Variants in CLYBL observed in about 807,000 individuals in gnomAD.
CLYBL encodes the protein citramalyl-CoA lyase, mitochondrial.
In CLYBL, 31 loss-of-function variants were observed where a neutral mutation model predicts 38.9. That is an observed-to-expected ratio of 0.80 (90% CI 0.60 to 1.08). CLYBL has a LOEUF of 1.08. Among genes scored for constraint, CLYBL ranks in the 50% least tolerant of loss-of-function variants. The pLI, the probability that CLYBL is intolerant of heterozygous loss-of-function variation, is 0.00. For missense variants in CLYBL, 434 were observed against 411.6 expected, an observed-to-expected ratio of 1.05 and a Z score of -0.47; for synonymous variants, 171 against 158.6, an observed-to-expected ratio of 1.08 and a Z score of -0.59.
chr13:99,766,939 T>C (rs141153894), intron 1 of CLYBL, among the ~76,000 whole-genome samples: 1 of 152,302 alleles, frequency 6.6e-6, no homozygotes, highest in African/African-American at 2.4e-5. Context: ...ACAACAGAGA[T>C]TCCAGAGCTG....
At chr13:99,818,199 T>G (rs1156344716) in intron 2 of CLYBL, among the ~76,000 whole-genome samples, 1 of 152,176 alleles carries the variant, frequency 6.6e-6, no homozygotes, top group Non-Finnish European at 1.5e-5. Flanking sequence ...CTCTTCCTCC[T>G]GGCACACAGA....
At chr13:99,756,870 C>T (rs995231910) in intron 1 of CLYBL, among the ~76,000 whole-genome samples, 2 of 152,256 alleles carry the variant, frequency 1.3e-5, no homozygotes, top group East Asian at 3.9e-4. Context: ...ATTACTATTG[C>T]TATTTTGAAT....
intron 1 of CLYBL, among the ~76,000 whole-genome samples, chr13:99,687,524 A>G (rs1594120004): frequency 1.3e-5 from 2 of 152,312 alleles, no homozygotes; most frequent in Middle Eastern, 3.4e-3. Flanking sequence ...AGAAAATACA[A>G]TTAGGATAAT....
rs182884372 is a variant in CLYBL, at chr13:99,650,086, A to T, written c.62+43329A>T. ...AGACCATCATGGCTAACACGGTGAA[A>T]CCCCATCTCTACTAAAAATACAAAA... On this transcript the variant is annotated intron_variant, in intron 1 of 8. Coordinates refer to ENST00000339105, the MANE Select transcript of CLYBL (RefSeq NM_206808.5). Among the ~76,000 whole-genome samples the T allele has an allele frequency of 4.5e-3, 681 of 151,886 alleles. 4 individuals carry two copies. Among genetic ancestry groups the T allele is most frequent in the African/African-American group, 0.016 (644 of 41,384 alleles).
At chr13:99,755,504 C>T (rs975119856) in intron 1 of CLYBL, among the ~76,000 whole-genome samples, 1 of 152,174 alleles carries the variant, frequency 6.6e-6, no homozygotes, top group East Asian at 1.9e-4. Flanking sequence ...TGTCACCCAA[C>T]ACCAGCCAGC....
intron 3 of CLYBL, among the ~76,000 whole-genome samples, chr13:99,862,284 AGT>A (rs1251025805): frequency 6.6e-6 from 1 of 152,044 alleles, no homozygotes; most frequent in African/African-American, 2.4e-5. Context: ...TACAATTTAG[AGT>A]GTGTTTTTTT....
At chr13:99,717,624 T>C (rs1277773274) in intron 1 of CLYBL, among the ~76,000 whole-genome samples, 1 of 151,812 alleles carries the variant, frequency 6.6e-6, no homozygotes, top group Non-Finnish European at 1.5e-5. Context: ...CATGCCTGGC[T>C]AATTTTTGTA....
intron 2 of CLYBL, among the ~76,000 whole-genome samples, chr13:99,810,815 T>C (rs1473268397): frequency 6.6e-6 from 1 of 152,100 alleles, no homozygotes. Context: ...GAATTCCCTT[T>C]CCTTCCTTCC....
At chr13:99,857,155 A>C (rs2051478719) in intron 2 of CLYBL, among the ~76,000 whole-genome samples, 1 of 151,802 alleles carries the variant, frequency 6.6e-6, no homozygotes, top group African/African-American at 2.4e-5. Flanking sequence ...TCTCTACTAA[A>C]AATACAAAAA....
chr13:99,752,976 G>C (rs1314973275), intron 1 of CLYBL, among the ~76,000 whole-genome samples: 1 of 152,112 alleles, frequency 6.6e-6, no homozygotes, highest in East Asian at 1.9e-4. Flanking sequence ...GAAGGGAAGG[G>C]CGGGGTTCTG....
chr13:99,812,233 C>T (rs949740915), intron 2 of CLYBL, among the ~76,000 whole-genome samples: 2 of 152,140 alleles, frequency 1.3e-5, no homozygotes, highest in Non-Finnish European at 1.5e-5. Flanking sequence ...ACACATTTGT[C>T]TAGAGTTTTC....
At chr13:99,889,754 C>T (rs1311457372) in intron 7 of CLYBL, among the ~76,000 whole-genome samples, 1 of 152,186 alleles carries the variant, frequency 6.6e-6, no homozygotes, top group Non-Finnish European at 1.5e-5. Context: ...TCTTTACCTC[C>T]ATCCTATGTA....
rs544171125 is a variant in CLYBL at position 99,642,336 on chromosome 13, G to A, written c.62+35579G>A. Reference sequence around the variant, plus strand: ...GCTGGTTGTAGGAGGGCTGGCGGTGGTCTTGGGAATGTTGCTTGAATCCAT... The same window carrying A: ...GCTGGTTGTAGGAGGGCTGGCGGTGATCTTGGGAATGTTGCTTGAATCCAT... On this transcript the variant is annotated intron_variant, in intron 1 of 8. Coordinates refer to ENST00000339105, the MANE Select transcript of CLYBL (RefSeq NM_206808.5). 2.6e-5 allele frequency among the ~76,000 whole-genome samples: 4 copies of A among 152,338 alleles called. 1 individual carries two copies. In the South Asian group the frequency reaches 8.3e-4, roughly 32 times the overall value.
intron 2 of CLYBL, among the ~76,000 whole-genome samples, chr13:99,841,949 G>A (rs1214462772): frequency 1.3e-5 from 2 of 151,468 alleles, no homozygotes; most frequent in Non-Finnish European, 2.9e-5. Context: ...CTGAGTAGCT[G>A]GGATTACAGG....
chr13:99,870,394 A>G (rs1029746037), intron 6 of CLYBL, among the ~76,000 whole-genome samples: 1 of 152,206 alleles, frequency 6.6e-6, no homozygotes, highest in Non-Finnish European at 1.5e-5. Flanking sequence ...AATTAAATAT[A>G]CTATTGTAAA....
intron 2 of CLYBL, among the ~76,000 whole-genome samples, chr13:99,815,678 G>A (rs1224399184): frequency 1.3e-5 from 2 of 152,144 alleles, no homozygotes; most frequent in Non-Finnish European, 2.9e-5. Context: ...TTGAGGCCAG[G>A]AGTTCAAGAC....
chr13:99,701,055 G>A (rs565131704), intron 1 of CLYBL, among the ~76,000 whole-genome samples: 5 of 152,232 alleles, frequency 3.3e-5, no homozygotes, highest in East Asian at 1.9e-4. Flanking sequence ...AGCCCAGGCC[G>A]GTTGTCACTT....
intron 1 of CLYBL, among the ~76,000 whole-genome samples, chr13:99,683,905 G>A (rs976412629): frequency 1.4e-5 from 2 of 148,130 alleles, no homozygotes; most frequent in Non-Finnish European, 3.0e-5. Flanking sequence ...GTCTCACTCT[G>A]TCACCCAGGC....
At chr13:99,616,105 G>A (rs4771337) in intron 1 of CLYBL, among the ~76,000 whole-genome samples, 112,742 of 148,870 alleles carry the variant, frequency 0.76, 43,382 homozygotes, top group East Asian at 0.87. Flanking sequence ...TTGGTCTCCT[G>A]AAGTGCTGGG....
Sources: allele counts gnomAD v4.1 joint callset (sites outside exome capture counted in the v4.1 genomes callset), GRCh38; gene constraint gnomAD v4.1.1; transcripts MANE v1.5; gene names NCBI Gene and HGNC (gene_info 2026-07-23, HGNC 2026-07-21).